The following CHCHD6 variants were observed in gnomAD, a reference collection of about 807,000 sequenced individuals.
The protein encoded by CHCHD6 is coiled-coil-helix-coiled-coil-helix domain containing 6, also known as MICOS complex subunit MIC25.
Under a neutral mutation model 32.3 loss-of-function variants are expected in CHCHD6, and 28 were observed. The observed-to-expected ratio is 0.87, with a 90% confidence interval of 0.64 to 1.19. The LOEUF is 1.19. CHCHD6 is among the 50% of genes most tolerant of loss of function. The pLI is 0.00. For missense variants in CHCHD6, 333 were observed against 307.0 expected, an observed-to-expected ratio of 1.08 and a Z score of -0.63; for synonymous variants, 122 against 117.5, an observed-to-expected ratio of 1.04 and a Z score of -0.25.
chr3:126,840,355 C>T (rs993268597), intron 4 of CHCHD6, among the ~76,000 whole-genome samples: 1 of 151,994 alleles, frequency 6.6e-6, no homozygotes, highest in African/African-American at 2.4e-5. Context: ...AAACCCACTG[C>T]ATTATAGATT....
intron 4 of CHCHD6, among the ~76,000 whole-genome samples, chr3:126,745,857 C>A (rs1259480242): frequency 6.6e-6 from 1 of 152,190 alleles, no homozygotes; most frequent in Non-Finnish European, 1.5e-5. Flanking sequence ...CCAGGACTGG[C>A]TTGTTTCACT....
At chr3:126,783,110 G>A (rs185458616) in intron 4 of CHCHD6, among the ~76,000 whole-genome samples, 48 of 152,230 alleles carry the variant, frequency 3.2e-4, no homozygotes, top group African/African-American at 1.1e-3. Context: ...CTACCCCATA[G>A]CCTCTGGCAT....
chr3:126,836,552 G>A (rs545811782), intron 4 of CHCHD6, among the ~76,000 whole-genome samples: 10 of 152,114 alleles, frequency 6.6e-5, no homozygotes, highest in South Asian at 2.1e-4. Flanking sequence ...CTCATTCATC[G>A]CAGGATCCCA....
At position 126,730,629 on chromosome 3, in the gene CHCHD6, A is replaced by T. The variant is rs1935751775; in HGVS notation, c.265A>T (p.Arg89Trp). Residue 89 changes from arginine to tryptophan, a missense_variant and splice_region_variant, in exon 3 of 8, where the codon AGG (arginine) becomes TGG (tryptophan). By Grantham distance (101) the Arg-to-Trp change is moderately radical. Coordinates refer to ENST00000290913, the MANE Select transcript of CHCHD6 (RefSeq NM_032343.3). ...CTCAGGGATGAAGGAGGGTGTCAAG[A>T]GGTGAGCCCGAGAGCCTGCTTGCTC... ...QPSGMKEGVK[R>W]YEQEHAAIQD... The T allele has an allele frequency of 6.2e-7, 1 of 1,613,550 alleles. No individual in the cohort carries two copies. Among genetic ancestry groups the T allele is most frequent in the South Asian group, 1.1e-5 (1 of 91,044 alleles).
rs386397861 is a variant in CHCHD6 at position 126,934,536 on chromosome 3, C to CTTTTTTTT, written c.566+19809_566+19816dup. 1.2e-4 allele frequency among the ~76,000 whole-genome samples: 7 copies of CTTTTTTTT among 58,228 alleles called. 1 individual carries two copies. Among genetic ancestry groups the CTTTTTTTT allele is most frequent in the Admixed American group, 7.3e-4 (3 of 4,096 alleles). 38.2% of individuals were successfully genotyped at this position (58,228 alleles called of 152,430 possible). On this transcript the variant is annotated intron_variant, in intron 6 of 7. Transcript: ENST00000290913. ...CTTGGAATGCACCCTCCCCTCTCTG[C>CTTTTTTTT]TTTTTTTTTTTTTTTTTTTTTTTTT...
intron 5 of CHCHD6, among the ~76,000 whole-genome samples, chr3:126,909,415 C>T (rs1170198617): frequency 1.3e-5 from 2 of 152,204 alleles, no homozygotes; most frequent in Admixed American, 6.5e-5. Flanking sequence ...TTCCCTTCCC[C>T]GGCCTCCTCA....
intron 4 of CHCHD6, among the ~76,000 whole-genome samples, chr3:126,754,220 G>A (rs1936855240): frequency 6.6e-6 from 1 of 152,224 alleles, no homozygotes. Context: ...CCTTGGTTAA[G>A]TGTCTCTGGG....
chr3:126,803,706 A>C (rs1194138362), intron 4 of CHCHD6, among the ~76,000 whole-genome samples: 3 of 151,936 alleles, frequency 2.0e-5, no homozygotes, highest in African/African-American at 7.2e-5. Context: ...GGCTCTGCCA[A>C]GCAGACCTAA....
chr3:126,948,833 C>T (rs1461539964), intron 6 of CHCHD6, among the ~76,000 whole-genome samples: 1 of 152,214 alleles, frequency 6.6e-6, no homozygotes. Context: ...GAGTCTGTTT[C>T]CTTTTGGACA....
chr3:126,867,218 A>T (rs904217984), intron 5 of CHCHD6, among the ~76,000 whole-genome samples: 1 of 152,216 alleles, frequency 6.6e-6, no homozygotes, highest in African/African-American at 2.4e-5. Context: ...CCAAGGGCTA[A>T]TCTCACGGTT....
chr3:126,791,938 A>G (rs370950740), intron 4 of CHCHD6, among the ~76,000 whole-genome samples: 4 of 152,142 alleles, frequency 2.6e-5, no homozygotes, highest in Non-Finnish European at 5.9e-5. Context: ...CAGTTTGCAT[A>G]TTCTAGTTAC....
chr3:126,785,417 A>G (rs1358583028), intron 4 of CHCHD6, among the ~76,000 whole-genome samples: 1 of 152,144 alleles, frequency 6.6e-6, no homozygotes, highest in Non-Finnish European at 1.5e-5. Context: ...ACACATGAAC[A>G]TTTTATCTTC....
chr3:126,747,469 A>G (rs1434198183), intron 4 of CHCHD6, among the ~76,000 whole-genome samples: 5 of 152,234 alleles, frequency 3.3e-5, no homozygotes, highest in African/African-American at 9.7e-5. Flanking sequence ...AGCTCTCAAC[A>G]GAAATTATGT....
chr3:126,716,071 G>A (rs1055815771), intron 1 of CHCHD6, among the ~76,000 whole-genome samples: 55 of 152,164 alleles, frequency 3.6e-4, no homozygotes, highest in African/African-American at 1.3e-3. Context: ...CAGCCCCTTC[G>A]TGATTTCAGT....
intron 5 of CHCHD6, among the ~76,000 whole-genome samples, chr3:126,886,596 C>T (rs929810830): frequency 7.9e-5 from 12 of 152,214 alleles, no homozygotes; most frequent in Non-Finnish European, 1.5e-4. Flanking sequence ...CCCTCGTTCC[C>T]GTTCAGCCCT....
At position 126,909,991 on chromosome 3, in the gene CHCHD6, A is replaced by G. The variant is rs552619222; in HGVS notation, c.496-4689A>G. Reference sequence around the variant, plus strand: ...GCCAGAATGTTCTTTTAAAAACACAAATCAGCTGGGCACAGTAAGTCACGC... The same window carrying G: ...GCCAGAATGTTCTTTTAAAAACACAGATCAGCTGGGCACAGTAAGTCACGC... On this transcript the variant is annotated intron_variant, in intron 5 of 7. Coordinates refer to ENST00000290913, the MANE Select transcript of CHCHD6 (RefSeq NM_032343.3). 9.7e-4 allele frequency among the ~76,000 whole-genome samples: 148 copies of G among 152,302 alleles called. 4 individuals are homozygous for G. The South Asian group carries it at 0.028, about 29-fold the overall frequency.
At chr3:126,957,810 G>T (rs1050982519) in intron 7 of CHCHD6, 12 of 559,158 alleles carry the variant, frequency 2.1e-5, no homozygotes, top group South Asian at 4.1e-5. Flanking sequence ...GGCTGGGTGG[G>T]AGCAGGCTGG....
chr3:126,867,266 T>C (rs1942319544), intron 5 of CHCHD6, among the ~76,000 whole-genome samples: 1 of 152,204 alleles, frequency 6.6e-6, no homozygotes, highest in Admixed American at 6.5e-5. Context: ...TGTCATTTCC[T>C]CCATTATTGT....
chr3:126,729,391 G>T (rs1935679495), intron 2 of CHCHD6, among the ~76,000 whole-genome samples: 1 of 152,172 alleles, frequency 6.6e-6, no homozygotes, highest in South Asian at 2.1e-4. Flanking sequence ...AGCGGGGAGC[G>T]GGCAGGGGCA....
Sources: gnomAD v4.1 joint callset for allele counts (sites outside exome capture counted in the v4.1 genomes callset) on GRCh38, gnomAD v4.1.1 for gene constraint, MANE v1.5 for transcripts, NCBI Gene and HGNC (gene_info 2026-07-23, HGNC 2026-07-21) for gene names.